GINS1: variants seen among roughly 807,000 people sequenced by gnomAD.
GINS1 encodes the protein GINS complex subunit 1, also known as DNA replication complex GINS protein PSF1.
Under a neutral mutation model 34.9 loss-of-function variants are expected in GINS1, and 26 were observed. The ratio of observed to expected loss-of-function variants is 0.74; its 90% CI spans 0.55 to 1.03. The LOEUF (loss-of-function observed/expected upper bound fraction) is 1.03. GINS1 is among the 50% of genes least tolerant of loss of function. The pLI is 0.00. For synonymous variants in GINS1, 97 were observed against 84.4 expected (o/e 1.15, Z -0.82); for missense variants, 235 against 237.9 (o/e 0.99, Z 0.08).
rs148301402 is a variant in GINS1, at chr20:25,445,671, C to T, written c.523-252C>T. ...CCAACTTTGTATTTTTTAGTAGAGA[C>T]GCGGTTTCTCCATGTTGGTTAGGCT... On this transcript the variant is annotated intron_variant, in intron 6 of 6. Coordinates refer to ENST00000262460, the MANE Select transcript of GINS1 (RefSeq NM_021067.5). Among the ~76,000 whole-genome samples, 446 of 152,112 alleles carry T rather than the reference C, an allele frequency of 2.9e-3. 1 individual carries two copies. Among genetic ancestry groups the T allele is most frequent in the African/African-American group, 9.7e-3 (401 of 41,510 alleles).
chr20:25,414,781 T>G (rs1600920003), intron 2 of GINS1, among the ~76,000 whole-genome samples: 1 of 152,326 alleles, frequency 6.6e-6, no homozygotes, highest in South Asian at 2.1e-4. Context: ...AACAGTTGCC[T>G]TAGTGAGTTT....
chr20:25,441,751 C>A lies in GINS1; in HGVS notation c.497C>A (p.Ser166Ter). 6.4e-7 allele frequency: 1 copy of A among 1,559,194 alleles called. No individual in the cohort carries two copies. The highest frequency in any genetic ancestry group is 8.8e-7 in the Non-Finnish European group (1 of 1,137,496). The change falls in exon 6 of 7, where the codon TCA becomes TAA. Residue 166 changes from serine (S) to a stop codon, truncating the protein, a stop_gained. Coordinates refer to ENST00000262460, the MANE Select transcript of GINS1 (RefSeq NM_021067.5). LOFTEE classifies it high-confidence loss of function. ...GAATTTGAAGTTGATGATGGCACTT[C>A]AGTCCTATTAAAAAAAAATAGCCAG... The part of the protein sequence containing the change: ...YGEFEVDDGT[S>*]VLLKKNSQHF...
Position 25,446,028 on chromosome 20 carries a change from A to C in GINS1, c.*37A>C. ...GGCACTTCCAGGCTTCACTCAACTCATGGACTCCTCTGTACTCACTCTCTC... is the reference window on the plus strand; with the variant it reads ...GGCACTTCCAGGCTTCACTCAACTCCTGGACTCCTCTGTACTCACTCTCTC... On this transcript the variant is annotated 3_prime_UTR_variant, in exon 7 of 7. Transcript: ENST00000262460. 9.0e-6 allele frequency: 11 copies of C among 1,223,228 alleles called. No individual in the cohort carries two copies. Among genetic ancestry groups the C allele is most frequent in the South Asian group, 1.2e-5 (1 of 81,128 alleles). 75.8% of individuals were successfully genotyped at this position (1,223,228 alleles called of 1,614,324 possible).
At chr20:25,435,336 T>A (rs1163719935) in intron 5 of GINS1, among the ~76,000 whole-genome samples, 2 of 152,142 alleles carry the variant, frequency 1.3e-5, no homozygotes, top group Non-Finnish European at 2.9e-5. Context: ...TCTCACTGTG[T>A]CAAGCAGGAT....
chr20:25,414,710 T>C (rs2146191477), intron 2 of GINS1, among the ~76,000 whole-genome samples: 1 of 152,216 alleles, frequency 6.6e-6, no homozygotes, highest in Non-Finnish European at 1.5e-5. Flanking sequence ...TTAAAAATAA[T>C]AAATAAAAAT....
rs762662810 is a variant in GINS1, at chr20:25,425,282, G to A, written c.402G>A (p.Leu134=). The change falls in exon 5 of 7, where the codon TTG becomes TTA. Residue 134 remains leucine (L), a synonymous_variant. Coordinates refer to ENST00000262460, the MANE Select transcript of GINS1 (RefSeq NM_021067.5). ...YMRSLGGDEG[L]DITQDMKPPK... is the part of the protein sequence containing the mutation. ...GGTCACTGGGAGGAGATGAAGGTTT[G>A]GACATTACACAGGATATGAAACCAC... 6.4e-7 allele frequency: 1 copy of A among 1,566,880 alleles called. No individual in the cohort carries two copies. The highest frequency in any genetic ancestry group is 1.7e-5 in the Admixed American group (1 of 59,840).
intron 4 of GINS1, among the ~76,000 whole-genome samples, chr20:25,422,881 A>T (rs1054218762): frequency 3.3e-5 from 5 of 151,348 alleles, no homozygotes; most frequent in African/African-American, 1.2e-4. Context: ...GGTTCAAGCG[A>T]TTCTCTTGCC....
At position 25,435,776 on chromosome 20, in the gene GINS1, AAAAAAAAAAAAAC is replaced by A. The variant is rs1458857595; in HGVS notation, c.448-5925_448-5913del. Among the ~76,000 whole-genome samples the A allele has an allele frequency of 7.3e-5, 9 of 123,348 alleles. 1 individual carries two copies. The highest frequency in any genetic ancestry group is 1.3e-4 in the Non-Finnish European group (8 of 60,128). The allele number at this position is 123,348 out of a possible 152,430, so 80.9% of individuals were successfully genotyped here. A position where few individuals can be genotyped will look rare whatever the true frequency, so the allele number is the denominator to read the frequency against. On this transcript the variant is annotated intron_variant, in intron 5 of 6. Transcript: ENST00000262460. Reference sequence around the variant, plus strand: ...TGAGATTCCGTCTCAAAAAAAAAAAAAAAAAAAAAAAACCAACTTTTTGTAGAGTTACACTTTT... The same window carrying A: ...TGAGATTCCGTCTCAAAAAAAAAAAACAACTTTTTGTAGAGTTACACTTTT...
At chr20:25,433,281 T>G (rs768615228) in intron 5 of GINS1, among the ~76,000 whole-genome samples, 5 of 152,178 alleles carry the variant, frequency 3.3e-5, no homozygotes, top group Non-Finnish European at 5.9e-5. Flanking sequence ...TGTCTCTCAT[T>G]TCCTTCATTA....
chr20:25,414,259 T>TTTTTTTTTTTTTTTTTTTTTTTTTTG (rs2090306583), intron 2 of GINS1, among the ~76,000 whole-genome samples: 1 of 151,878 alleles, frequency 6.6e-6, no homozygotes, highest in African/African-American at 2.4e-5. Flanking sequence ...ATGCGATTTT[T>TTTTTTTTTTTTTTTTTTTTTTTTTTG]AAAAATTATC....
intron 6 of GINS1, 112 bp from the exon 7 acceptor site, chr20:25,445,811 T>G: frequency 4.4e-6 from 3 of 687,016 alleles, no homozygotes; most frequent in Non-Finnish European, 7.6e-6. Context: ...ACTACTTACT[T>G]GTTGGAGTTT....
At chr20:25,431,983 A>G (rs1464199116) in intron 5 of GINS1, among the ~76,000 whole-genome samples, 1 of 151,526 alleles carries the variant, frequency 6.6e-6, no homozygotes, top group Non-Finnish European at 1.5e-5. Context: ...TCCTTCCACC[A>G]CAGCCTCCCA....
chr20:25,421,077 T>C (rs905356158), intron 4 of GINS1: 1 of 420,142 alleles, frequency 2.4e-6, no homozygotes, highest in African/African-American at 2.2e-5. Flanking sequence ...AATGGGTGAC[T>C]GAAGCACATG....
Position 25,413,800 on chromosome 20 carries a change from T to A in GINS1, c.86T>A (p.Leu29His). The change falls in exon 2 of 7, where the codon CTC (leucine) becomes CAC (histidine). Residue 29 changes from leucine (L) to histidine (H), a missense_variant. By Grantham distance (99) the Leu-to-His change is moderately conservative (BLOSUM62 -3). Coordinates refer to ENST00000262460, the MANE Select transcript of GINS1 (RefSeq NM_021067.5). Reference sequence around the variant, plus strand: ...GTTTATATGTTCTAGGAGGATGGACTCAGACAAGTTCTGGAGGAGATGAAA... The same window carrying A: ...GTTTATATGTTCTAGGAGGATGGACACAGACAAGTTCTGGAGGAGATGAAA... ...GQLPAFNEDG[L>H]RQVLEEMKAL... 1 of 1,578,538 alleles carries A rather than the reference T, an allele frequency of 6.3e-7. No homozygotes were observed. Among genetic ancestry groups the A allele is most frequent in the South Asian group, 1.1e-5 (1 of 90,352 alleles).
At chr20:25,423,588 C>T (rs1442832455) in intron 4 of GINS1, among the ~76,000 whole-genome samples, 1 of 142,922 alleles carries the variant, frequency 7.0e-6, no homozygotes, top group Non-Finnish European at 1.5e-5. Flanking sequence ...CCTACCTCAG[C>T]CTCCCAAGAT....
At chr20:25,428,448 G>C (rs1245851407) in intron 5 of GINS1, among the ~76,000 whole-genome samples, 1 of 122,646 alleles carries the variant, frequency 8.2e-6, no homozygotes, top group Non-Finnish European at 1.6e-5. Flanking sequence ...CTGTCGCCCA[G>C]GCTGGAGTGC....
rs746839501 is a variant in GINS1, at chr20:25,407,796, G to A, written c.-25G>A. On this transcript the variant is annotated 5_prime_UTR_variant, in exon 1 of 7. Transcript: ENST00000262460. The stretch of plus-strand genomic sequence containing the variant: ...GGCGTGAGAGCTGGTGGTTGGCAAG[G>A]CCGCGGGAGTGGGAAGCGTCCGCCA... 6 of 1,601,570 alleles carry A rather than the reference G, an allele frequency of 3.7e-6. No individual in the cohort carries two copies. Among genetic ancestry groups the A allele is most frequent in the Non-Finnish European group, 5.1e-6 (6 of 1,172,200 alleles).
intron 5 of GINS1, among the ~76,000 whole-genome samples, chr20:25,438,114 C>T (rs891475759): frequency 5.0e-5 from 6 of 120,712 alleles, no homozygotes; most frequent in Admixed American, 2.6e-4. Context: ...AGCAAAACTC[C>T]GTCTCAAAAA....
chr20:25,422,751 GATATA>G (rs1310617926), intron 4 of GINS1, among the ~76,000 whole-genome samples: 2 of 152,152 alleles, frequency 1.3e-5, no homozygotes, highest in African/African-American at 4.8e-5. Flanking sequence ...CTAATCTGTT[GATATA>G]TTAGCAAGAG....
Sources: gnomAD v4.1 joint callset for allele counts (sites outside exome capture counted in the v4.1 genomes callset) on GRCh38, gnomAD v4.1.1 for gene constraint, MANE v1.5 for transcripts, NCBI Gene and HGNC (gene_info 2026-07-23, HGNC 2026-07-21) for gene names.